Variants in ADGRB3 observed in about 807,000 individuals in gnomAD.
ADGRB3 encodes the protein brain-specific angiogenesis inhibitor 3.
In ADGRB3, 37 loss-of-function variants were observed where a neutral mutation model predicts 193.4. The ratio of observed to expected loss-of-function variants is 0.19; its 90% confidence interval spans 0.15 to 0.25. The LOEUF (loss-of-function observed/expected upper bound fraction) is 0.25, where lower values mean the gene tolerates loss of function less well. ADGRB3 is among the 10% of genes least tolerant of loss of function. The pLI is 1.00. For missense variants in ADGRB3, 1,637 were observed against 1,852.9 expected (o/e 0.88, Z 2.14); for synonymous variants, 690 against 644.2 (o/e 1.07, Z -1.08).
At chr6:68,960,652 G>T (rs1356664917) in intron 8 of ADGRB3, among the ~76,000 whole-genome samples, 1 of 91,676 alleles carries the variant, frequency 1.1e-5, no homozygotes, top group Non-Finnish European at 2.4e-5. Context: ...AGCTTCAGTA[G>T]GAAAGAAGAA....
intron 20 of ADGRB3, among the ~76,000 whole-genome samples, chr6:69,260,298 C>T (rs981601658): frequency 6.6e-6 from 1 of 152,006 alleles, no homozygotes; most frequent in Non-Finnish European, 1.5e-5. Context: ...TACATTTCAC[C>T]AGGTTATAGG....
intron 17 of ADGRB3, among the ~76,000 whole-genome samples, chr6:69,171,351 A>G (rs996986429): frequency 6.6e-6 from 1 of 152,200 alleles, no homozygotes; most frequent in Non-Finnish European, 1.5e-5. Flanking sequence ...TTTTCACTCA[A>G]CATGTATATG....
intron 17 of ADGRB3, among the ~76,000 whole-genome samples, chr6:69,120,418 A>G (rs2150329338): frequency 6.6e-6 from 1 of 152,340 alleles, no homozygotes; most frequent in Non-Finnish European, 1.5e-5. Flanking sequence ...AACACTGTAT[A>G]TCATCTCCAA....
At chr6:68,855,844 AC>A (rs778328945) in intron 3 of ADGRB3, among the ~76,000 whole-genome samples, 17 of 152,070 alleles carry the variant, frequency 1.1e-4, no homozygotes, top group Non-Finnish European at 1.8e-4. Context: ...CAATAGTGAG[AC>A]CCCCATCTCT....
intron 20 of ADGRB3, among the ~76,000 whole-genome samples, chr6:69,321,948 T>G (rs1768464303): frequency 6.6e-6 from 1 of 151,762 alleles, no homozygotes; most frequent in Non-Finnish European, 1.5e-5. Context: ...TACAGATTAT[T>G]TATCACTTAG....
intron 16 of ADGRB3, among the ~76,000 whole-genome samples, chr6:69,074,180 TATGTGGCCTTTCAGGGAATTTTTAGA>T (rs1772159830): frequency 6.6e-6 from 1 of 151,954 alleles, no homozygotes; most frequent in Non-Finnish European, 1.5e-5. Flanking sequence ...ATACCTTGGA[TATGTGGCCTTTCAGGGAATTTTTAGA>T]ATAACTGGGA....
chr6:68,734,589 T>A (rs1765837100), intron 3 of ADGRB3, among the ~76,000 whole-genome samples: 1 of 151,996 alleles, frequency 6.6e-6, no homozygotes. Context: ...GAAAAACATA[T>A]TGTGTAAAAA....
At chr6:68,689,432 C>T (rs535686147) in intron 3 of ADGRB3, among the ~76,000 whole-genome samples, 15 of 152,164 alleles carry the variant, frequency 9.9e-5, no homozygotes, top group East Asian at 9.7e-4. Flanking sequence ...AATGGCAGAC[C>T]GCAAATCTAA....
At chr6:69,011,094 A>C (rs550240566) in intron 11 of ADGRB3, among the ~76,000 whole-genome samples, 4 of 151,578 alleles carry the variant, frequency 2.6e-5, no homozygotes, top group African/African-American at 9.7e-5. Flanking sequence ...CAAAGTGAAT[A>C]TATATTCAGT....
chr6:69,029,694 G>A (rs899275122), intron 13 of ADGRB3, among the ~76,000 whole-genome samples: 2 of 152,138 alleles, frequency 1.3e-5, no homozygotes, highest in African/African-American at 4.8e-5. Flanking sequence ...GATAGTGATG[G>A]TGAAGGAGTG....
chr6:68,895,661 A>G (rs1476957201), intron 3 of ADGRB3, among the ~76,000 whole-genome samples: 1 of 152,030 alleles, frequency 6.6e-6, no homozygotes, highest in East Asian at 1.9e-4. Context: ...GTTCAGATCA[A>G]TGTTTTCCAA....
chr6:68,640,535 G>T (rs1476586040), intron 3 of ADGRB3, among the ~76,000 whole-genome samples: 9 of 152,200 alleles, frequency 5.9e-5, no homozygotes, highest in Non-Finnish European at 1.3e-4. Context: ...CAGAGAGTGT[G>T]TTGATTTCTT....
At chr6:69,327,745 G>A in intron 21 of ADGRB3, 75 bp from the exon 22 acceptor site, 2 of 1,286,678 alleles carry the variant, frequency 1.6e-6, no homozygotes, top group Middle Eastern at 2.0e-4. Flanking sequence ...CCTGGAGTTT[G>A]TTCTGGCTTT....
chr6:69,224,379 T>G (rs1015050488), intron 17 of ADGRB3, among the ~76,000 whole-genome samples: 2 of 152,164 alleles, frequency 1.3e-5, no homozygotes, highest in Admixed American at 6.5e-5. Flanking sequence ...ATAATTCTGC[T>G]TTTTCAAGGT....
intron 3 of ADGRB3, among the ~76,000 whole-genome samples, chr6:68,671,528 C>G (rs2127294212): frequency 6.6e-6 from 1 of 151,988 alleles, no homozygotes; most frequent in Admixed American, 6.6e-5. Flanking sequence ...TGGCTTTTAT[C>G]TTTTATTTTC....
intron 3 of ADGRB3, among the ~76,000 whole-genome samples, chr6:68,902,652 C>A (rs1766428825): frequency 6.6e-6 from 1 of 151,808 alleles, no homozygotes; most frequent in African/African-American, 2.4e-5. Context: ...ATAATTAAGG[C>A]CTTATAGGGA....
chr6:68,767,555 C>G (rs1343375110), intron 3 of ADGRB3, among the ~76,000 whole-genome samples: 1 of 152,096 alleles, frequency 6.6e-6, no homozygotes, highest in Non-Finnish European at 1.5e-5. Context: ...ATAATAAGAG[C>G]TATTTATGAC....
intron 3 of ADGRB3, among the ~76,000 whole-genome samples, chr6:68,806,389 G>A (rs1361383282): frequency 6.6e-6 from 1 of 151,840 alleles, no homozygotes; most frequent in Non-Finnish European, 1.5e-5. Context: ...CTTTTTAATG[G>A]TTATATAATG....
chr6:69,296,158 G>A (rs1320949100), intron 20 of ADGRB3, among the ~76,000 whole-genome samples: 1 of 152,008 alleles, frequency 6.6e-6, no homozygotes, highest in Non-Finnish European at 1.5e-5. Flanking sequence ...TATCATAATA[G>A]CCATATTAAC....
Sources: gnomAD v4.1 joint callset for allele counts (sites outside exome capture counted in the v4.1 genomes callset) on GRCh38, gnomAD v4.1.1 for gene constraint, MANE v1.5 for transcripts, NCBI Gene and HGNC (gene_info 2026-07-23, HGNC 2026-07-21) for gene names.